The following ARPIN variants were observed in gnomAD, a reference collection of about 807,000 sequenced individuals.
The protein encoded by ARPIN is actin related protein 2/3 complex inhibitor.
A neutral mutation model predicts 25.9 loss-of-function variants in ARPIN; 23 were observed. The observed-to-expected ratio is 0.89, with a 90% CI of 0.64 to 1.26. The LOEUF is 1.26. Ranked by LOEUF, ARPIN falls within the 50% of genes most tolerant of loss-of-function variation. The pLI is 0.00. For synonymous variants in ARPIN, 126 were observed against 131.4 expected, an observed-to-expected ratio of 0.96 and a Z score of 0.28; for missense variants, 333 against 312.2, an observed-to-expected ratio of 1.07 and a Z score of -0.50.
At chr15:89,906,066 A>T (rs536566766) in intron 3 of ARPIN, among the ~76,000 whole-genome samples, 41 of 152,152 alleles carry the variant, frequency 2.7e-4, no homozygotes, top group Admixed American at 2.4e-3. Flanking sequence ...CCAAGCCAAC[A>T]CTGAGGCCAC....
At chr15:89,910,873 C>A in intron 1 of ARPIN, 54 bp from the exon 2 acceptor site, 2 of 1,600,954 alleles carry the variant, frequency 1.2e-6, no homozygotes, top group East Asian at 2.2e-5. Flanking sequence ...CTCAGCAAAT[C>A]TCACCCGTGT....
At chr15:89,908,172 T>C (rs1897158270) in intron 3 of ARPIN, 108 bp downstream of exon 3, 3 of 1,528,306 alleles carry the variant, frequency 2.0e-6, no homozygotes, top group Non-Finnish European at 2.6e-6. Flanking sequence ...GGCTTCAACA[T>C]CAAGAGGGCT....
rs546091613 is a variant in ARPIN, at chr15:89,907,692, A to G, written c.301+588T>C. Among the ~76,000 whole-genome samples, 13 of 152,294 alleles carry G rather than the reference A, an allele frequency of 8.5e-5. No individual in the cohort carries two copies. In the South Asian group the frequency reaches 2.7e-3, roughly 32 times the overall value. Reference sequence around the variant, plus strand: ...GTGGCACACACCTACAGTCCCAGCTATTCTGGAGGCTGAGGAGGGAGGATC... The same window carrying G: ...GTGGCACACACCTACAGTCCCAGCTGTTCTGGAGGCTGAGGAGGGAGGATC... On this transcript the variant is annotated intron_variant, in intron 3 of 5. Coordinates refer to ENST00000357484, the MANE Select transcript of ARPIN (RefSeq NM_182616.4).
chr15:89,902,453 C>G (rs1275279145), intron 5 of ARPIN, among the ~76,000 whole-genome samples: 1 of 151,752 alleles, frequency 6.6e-6, no homozygotes, highest in Non-Finnish European at 1.5e-5. Flanking sequence ...ATTTTGGGGC[C>G]TTATGACATC....
chr15:89,910,685 C>T (rs988456120), intron 2 of ARPIN, 59 bp downstream of exon 2: 27 of 1,607,590 alleles, frequency 1.7e-5, no homozygotes, highest in Non-Finnish European at 2.2e-5. Flanking sequence ...GGAGATGCCA[C>T]AGTGGATGAT....
rs185483442 is a variant in ARPIN at position 89,907,468 on chromosome 15, C to T, written c.301+812G>A. On this transcript the variant is annotated intron_variant, in intron 3 of 5. Coordinates refer to ENST00000357484, the MANE Select transcript of ARPIN (RefSeq NM_182616.4). ...CCTTTAGGAGGTGAGTCATGGCATA[C>T]GAGTGGGATGAGTGCTTTACAGAAG... Among the ~76,000 whole-genome samples, 44 of 152,238 alleles carry T rather than the reference C, an allele frequency of 2.9e-4. 1 individual carries two copies. The highest frequency in any genetic ancestry group is 3.9e-4 in the East Asian group (2 of 5,192).
chr15:89,912,573 C>A, intron 1 of ARPIN, 171 bp downstream of exon 1: 1 of 1,348,260 alleles, frequency 7.4e-7, no homozygotes, highest in South Asian at 1.8e-5. Flanking sequence ...TGGGCGGGCG[C>A]GGCGGCAGGG....
Position 89,897,617 on chromosome 15 carries a change from A to G in ARPIN, c.*4178T>C, listed in dbSNP as rs567391581. 6.6e-6 allele frequency: 1 copy of G among 152,368 alleles called. No homozygotes were observed. The highest frequency in any genetic ancestry group is 1.9e-4 in the East Asian group (1 of 5,190). 9.4% of individuals were successfully genotyped at this position (152,368 alleles called of 1,614,324 possible). ...TCAGAATTTGTCTAGCAGGTTTTCC[A>G]GTTTGTACCAGAAAACCCCTATGCA... On this transcript the variant is annotated 3_prime_UTR_variant, in exon 6 of 6. Transcript: ENST00000357484.
chr15:89,912,711 G>A, intron 1 of ARPIN, 33 bp downstream of exon 1: 1 of 1,313,256 alleles, frequency 7.6e-7, no homozygotes, highest in Non-Finnish European at 9.7e-7. Context: ...CGGGGCAGGG[G>A]AGGCCGACCC....
intron 5 of ARPIN, among the ~76,000 whole-genome samples, chr15:89,902,094 C>A (rs1042131922): frequency 2.6e-5 from 4 of 152,316 alleles, no homozygotes; most frequent in South Asian, 2.1e-4. Context: ...GTGCATTTTT[C>A]TGTGACTTCG....
intron 3 of ARPIN, among the ~76,000 whole-genome samples, chr15:89,906,026 T>G (rs966325008): frequency 6.6e-6 from 1 of 152,024 alleles, no homozygotes; most frequent in African/African-American, 2.4e-5. Context: ...CCTGGCATCA[T>G]CACGACTCCT....
In ARPIN at chr15:89,903,979, C is replaced by T. The variant is rs529635511; in HGVS notation, c.306G>A (p.Val102=). The T allele has an allele frequency of 3.2e-5, 52 of 1,605,090 alleles. No homozygotes were observed. Among genetic ancestry groups the T allele is most frequent in the Admixed American group, 6.7e-5 (4 of 59,950 alleles). Residue 102 remains valine, a synonymous_variant, in exon 4 of 6, where the codon GTG becomes GTA. Transcript: ENST00000357484. The part of the protein sequence containing the change: ...NTGFLMSSYK[V]EAKGDTDRLT... The stretch of plus-strand genomic sequence containing the variant: ...GCCTGTCAGTGTCCCCCTTGGCTTC[C>T]ACCTCTGCAGGCACAGAGCGCAGGA...
Position 89,912,859 on chromosome 15 carries a change from G to C in ARPIN, c.-24C>G, listed in dbSNP as rs1468473039. On this transcript the variant is annotated 5_prime_UTR_variant, in exon 1 of 6. Transcript: ENST00000357484. ...ATTCTCCCGACCGCCCGGGCACCCC[G>C]GCACAGAGCCGGCGCACTGGGCTGG... 9 of 1,513,214 alleles carry C rather than the reference G, an allele frequency of 5.9e-6. No homozygotes were observed. The Admixed American group carries it at 6.2e-5, about 10-fold the overall frequency. 93.7% of individuals were successfully genotyped at this position (1,513,214 alleles called of 1,614,324 possible).
At chr15:89,903,526 A>T in intron 4 of ARPIN, 147 bp from the exon 5 acceptor site, 1 of 1,421,478 alleles carries the variant, frequency 7.0e-7, no homozygotes, top group African/African-American at 1.4e-5. Flanking sequence ...CCTGGGTGGG[A>T]CCCCCAAGGT....
intron 2 of ARPIN, among the ~76,000 whole-genome samples, chr15:89,909,971 C>A (rs1383983798): frequency 6.6e-6 from 1 of 152,194 alleles, no homozygotes; most frequent in Non-Finnish European, 1.5e-5. Context: ...GGCAAGCAAG[C>A]CCCACATCAG....
chr15:89,905,314 G>A (rs1240602544), intron 3 of ARPIN, among the ~76,000 whole-genome samples: 1 of 151,938 alleles, frequency 6.6e-6, no homozygotes, highest in African/African-American at 2.4e-5. Context: ...GAGCCACCAC[G>A]CCCAGCCATC....
intron 2 of ARPIN, 36 bp from the exon 3 acceptor site, chr15:89,908,448 T>A (rs758660278): frequency 6.2e-7 from 1 of 1,611,850 alleles, no homozygotes; most frequent in East Asian, 2.2e-5. Flanking sequence ...GGGGGCGGCT[T>A]CATCCCACAA....
chr15:89,901,751 A>G lies in ARPIN; in HGVS notation c.*44T>C. ...GAAGTTCATGGAAGAAATGTTCCAC[A>G]ATGCTACAGAAGGTGCTGGTGCCCC... On this transcript the variant is annotated 3_prime_UTR_variant, in exon 6 of 6. Coordinates refer to ENST00000357484, the MANE Select transcript of ARPIN (RefSeq NM_182616.4). 1 of 1,607,220 alleles carries G rather than the reference A, an allele frequency of 6.2e-7. No homozygotes were observed. Among genetic ancestry groups the G allele is most frequent in the Non-Finnish European group, 8.5e-7 (1 of 1,173,882 alleles).
rs1037443561 is a variant in ARPIN, at chr15:89,896,799, G to A, written c.*4996C>T. ...AATGTTTAAGCTCACTATAAGTGGG[G>A]GAAAGGCAAATTAAAATATATTCAA... On this transcript the variant is annotated 3_prime_UTR_variant, in exon 6 of 6. Transcript: ENST00000357484. 6.6e-6 allele frequency: 1 copy of A among 151,984 alleles called. No homozygotes were observed. The highest frequency in any genetic ancestry group is 6.6e-5 in the Admixed American group (1 of 15,262). The allele number at this position is 151,984 out of a possible 1,614,324, so 9.4% of individuals were successfully genotyped here. A position where few individuals can be genotyped will look rare whatever the true frequency, so the allele number is the denominator to read the frequency against.
Sources: allele counts gnomAD v4.1 joint callset (sites outside exome capture counted in the v4.1 genomes callset), GRCh38; gene constraint gnomAD v4.1.1; transcripts MANE v1.5; gene names NCBI Gene and HGNC (gene_info 2026-07-23, HGNC 2026-07-21).